Variants in TRIP12 observed in about 807,000 individuals in gnomAD.
The protein encoded by TRIP12 is E3 ubiquitin-protein ligase TRIP12.
In TRIP12, 25 loss-of-function variants were observed where a neutral mutation model predicts 244.2. The ratio of observed to expected loss-of-function variants is 0.10; its 90% CI spans 0.07 to 0.14. The LOEUF is 0.14. TRIP12 is among the 10% of genes least tolerant of loss of function. TRIP12 has a pLI of 1.00. For synonymous variants in TRIP12, 905 were observed against 873.1 expected, an observed-to-expected ratio of 1.04 and a Z score of -0.64; for missense variants, 1,677 against 2,486.4, an observed-to-expected ratio of 0.67 and a Z score of 6.92.
chr2:229,793,258 T>A, intron 26 of TRIP12, 113 bp from the exon 27 acceptor site: 2 of 1,052,702 alleles, frequency 1.9e-6, no homozygotes, highest in Non-Finnish European at 2.6e-6. Flanking sequence ...ACACTAGTAC[T>A]AAGCATTTAC....
At chr2:229,787,811 T>C in intron 32 of TRIP12, 150 bp from the exon 33 acceptor site, 1 of 758,510 alleles carries the variant, frequency 1.3e-6, no homozygotes, top group Non-Finnish European at 1.8e-6. Context: ...AATTTATTTA[T>C]TTATTTTGAG....
Position 229,864,001 on chromosome 2 carries a change from TGAAAGAGAGAGA to T in TRIP12, c.99-3482_99-3471del, listed in dbSNP as rs749098587. On this transcript the variant is annotated intron_variant, in intron 2 of 41. Transcript: ENST00000675903. Reference sequence around the variant, plus strand: ...GTAAATTATAGCCCAAAGATTTGGGTGAAAGAGAGAGAGAGAGAGAGAGAGAGAGAGAGAGAG... The same window carrying T: ...GTAAATTATAGCCCAAAGATTTGGGTGAGAGAGAGAGAGAGAGAGAGAGAG... Among the ~76,000 whole-genome samples the T allele has an allele frequency of 7.7e-3, 873 of 113,486 alleles. 14 individuals are homozygous for T. Among genetic ancestry groups the T allele is most frequent in the East Asian group, 0.026 (108 of 4,140 alleles). 74.5% of individuals were successfully genotyped at this position (113,486 alleles called of 152,430 possible).
At chr2:229,806,212 T>C (rs964894159) in intron 17 of TRIP12, 3 of 179,676 alleles carry the variant, frequency 1.7e-5, no homozygotes, top group African/African-American at 2.3e-5. Flanking sequence ...TTTTAAGACA[T>C]TGCTTATAAA....
At chr2:229,909,401 T>A (rs963148459) in intron 1 of TRIP12, among the ~76,000 whole-genome samples, 54 of 148,164 alleles carry the variant, frequency 3.6e-4, no homozygotes, top group Non-Finnish European at 6.9e-4. Context: ...AAAAAAAAAA[T>A]TAAAATATTA....
At chr2:229,793,302 CA>C (rs1575076955) in intron 26 of TRIP12, 157 bp from the exon 27 acceptor site, 1 of 723,304 alleles carries the variant, frequency 1.4e-6, no homozygotes, top group East Asian at 2.9e-5. Flanking sequence ...GCCAATAATT[CA>C]AGTTATTTAG....
upstream of TRIP12, chr2:229,922,251 T>G (rs1303715986): frequency 1.6e-5 from 8 of 486,792 alleles, no homozygotes; most frequent in Admixed American, 3.4e-5. Flanking sequence ...GGAGATCTAC[T>G]TGGTATCCCT....
intron 4 of TRIP12, among the ~76,000 whole-genome samples, chr2:229,848,326 G>GCC (rs1241261184): frequency 6.2e-5 from 2 of 32,314 alleles, no homozygotes; most frequent in East Asian, 6.6e-4. Context: ...GGCCCCCCCC[G>GCC]CCCCCCCCAC....
chr2:229,886,928 T>C (rs1423961765), intron 1 of TRIP12, among the ~76,000 whole-genome samples: 1 of 152,190 alleles, frequency 6.6e-6, no homozygotes, highest in Non-Finnish European at 1.5e-5. Flanking sequence ...ACACCAACTT[T>C]ACAAAACTGG....
chr2:229,785,875 G>T lies in TRIP12; in HGVS notation c.4996-20C>A. On this transcript the variant is annotated intron_variant, in intron 33 of 41. Transcript: ENST00000675903. ...AGTACGCTACAAAGAAAGTACAACT[G>T]TCAGGAAACTATGCTCTACCCATAT... The T allele has an allele frequency of 6.3e-7, 1 of 1,599,012 alleles. No homozygotes were observed.
At chr2:229,875,398 G>C (rs2063405672) in intron 2 of TRIP12, among the ~76,000 whole-genome samples, 1 of 152,174 alleles carries the variant, frequency 6.6e-6, no homozygotes, top group Admixed American at 6.5e-5. Flanking sequence ...GAAAAAAACA[G>C]AGTGGGTCAA....
intron 1 of TRIP12, among the ~76,000 whole-genome samples, chr2:229,905,871 C>T (rs529195970): frequency 2.0e-5 from 3 of 152,248 alleles, no homozygotes; most frequent in Admixed American, 6.5e-5. Flanking sequence ...ATCCAATAGC[C>T]AATGAGGGCC....
In TRIP12 at chr2:229,868,158, G is replaced by C. The variant is rs187126046; in HGVS notation, c.99-7627C>G. Among the ~76,000 whole-genome samples the C allele has an allele frequency of 3.2e-3, 482 of 152,296 alleles. 2 individuals carry two copies. The highest frequency in any genetic ancestry group is 0.011 in the African/African-American group (464 of 41,550). ...CAGTAAGATTTACTATTGCTGAAAAGAGCAAGTTACAAATTACCCAGCCGA... is the reference window on the plus strand; with the variant it reads ...CAGTAAGATTTACTATTGCTGAAAACAGCAAGTTACAAATTACCCAGCCGA... On this transcript the variant is annotated intron_variant, in intron 2 of 41. Coordinates refer to ENST00000675903, the MANE Select transcript of TRIP12 (RefSeq NM_001348323.3).
intron 2 of TRIP12, among the ~76,000 whole-genome samples, chr2:229,864,558 A>G (rs1293963406): frequency 6.7e-6 from 1 of 150,188 alleles, no homozygotes; most frequent in Non-Finnish European, 1.5e-5. Context: ...TTTCTGCCAG[A>G]TTTTCAACTT....
intron 2 of TRIP12, among the ~76,000 whole-genome samples, chr2:229,864,047 A>T (rs519303): frequency 0.16 from 12,429 of 78,412 alleles, 737 homozygotes; most frequent in African/African-American, 0.18. Flanking sequence ...AGAGAGAGAG[A>T]GTGTGTGTGT....
intron 15 of TRIP12, among the ~76,000 whole-genome samples, chr2:229,810,077 C>T (rs1453535297): frequency 1.3e-5 from 2 of 152,194 alleles, no homozygotes; most frequent in African/African-American, 2.4e-5. Context: ...CTAATCATAA[C>T]AGCCAGGTGT....
At chr2:229,802,552 A>G in intron 20 of TRIP12, 93 bp from the exon 21 acceptor site, 2 of 898,810 alleles carry the variant, frequency 2.2e-6, no homozygotes, top group African/African-American at 1.7e-5. Flanking sequence ...CAACACTGAC[A>G]TAATACACAA....
At chr2:229,787,402 A>C (rs2040379524) in intron 33 of TRIP12, 103 bp downstream of exon 33, 3 of 1,213,314 alleles carry the variant, frequency 2.5e-6, no homozygotes, top group African/African-American at 3.1e-5. Flanking sequence ...AATATGACCA[A>C]GGCCTCCAAG....
At chr2:229,860,632 A>G in intron 2 of TRIP12, 101 bp from the exon 3 acceptor site, 1 of 1,112,392 alleles carries the variant, frequency 9.0e-7, no homozygotes, top group African/African-American at 1.6e-5. Context: ...GCTTCCCACA[A>G]TTCATTGTTG....
Position 229,769,284 on chromosome 2 carries a change from A to G in TRIP12, c.5850T>C (p.Asp1950=). ...LLCGSKADTW[D]AKTLMECCRP... The stretch of plus-strand genomic sequence containing the variant: ...TACAGCATTCCATCAGTGTCTTTGC[A>G]TCCCAAGTGTCTGCTTTACTGCCAC... Residue 1950 remains aspartate (D), a synonymous_variant, in exon 40 of 42, where the codon GAT becomes GAC. Coordinates refer to ENST00000675903, the MANE Select transcript of TRIP12 (RefSeq NM_001348323.3). The G allele has an allele frequency of 6.2e-7, 1 of 1,614,130 alleles. No individual in the cohort carries two copies. Among genetic ancestry groups the G allele is most frequent in the Non-Finnish European group, 8.5e-7 (1 of 1,180,010 alleles).
Sources: gnomAD v4.1 joint callset for allele counts (sites outside exome capture counted in the v4.1 genomes callset) on GRCh38, gnomAD v4.1.1 for gene constraint, MANE v1.5 for transcripts, NCBI Gene and HGNC (gene_info 2026-07-23, HGNC 2026-07-21) for gene names.